The following EPHA3 variants were observed in gnomAD, a reference collection of about 807,000 sequenced individuals.
EPHA3 encodes the protein EPH receptor A3, also known as ephrin type-A receptor 3.
EPHA3 carries 42 observed loss-of-function variants against 107.1 expected under a neutral mutation model. The ratio of observed to expected loss-of-function variants is 0.39; its 90% CI spans 0.31 to 0.51. The LOEUF is 0.51. EPHA3 is among the 20% of genes least tolerant of loss of function. The probability of loss-of-function intolerance (pLI) is 0.78; values close to 1 mark genes in which losing one functional copy is unlikely to be tolerated. For synonymous variants in EPHA3, 461 were observed against 424.8 expected (o/e 1.09, Z -1.05); for missense variants, 1,183 against 1,211.2 (o/e 0.98, Z 0.35).
At chr3:89,399,981 C>T in intron 7 of EPHA3, 1 of 1,045,054 alleles carries the variant, frequency 9.6e-7, no homozygotes, top group African/African-American at 1.7e-5. Flanking sequence ...TTTGAATAGC[C>T]TGTTCCTTTA....
rs1445079945 is a variant in EPHA3, at chr3:89,155,442, A to C, written c.153+28169A>C. On this transcript the variant is annotated intron_variant, in intron 2 of 16. Coordinates refer to ENST00000336596, the MANE Select transcript of EPHA3 (RefSeq NM_005233.6). ...TTTCATTTAATCTTCCCAAAAGTCC[A>C]TTGACATTTCAAGCATAGTATTAAC... is the stretch of plus-strand genomic sequence containing the variant. Among the ~76,000 whole-genome samples, 24 of 152,044 alleles carry C rather than the reference A, an allele frequency of 1.6e-4. 1 individual carries two copies. Among genetic ancestry groups the C allele is most frequent in the Non-Finnish European group, 2.9e-5 (2 of 67,962 alleles).
At chr3:89,344,931 A>G (rs1419415525) in intron 5 of EPHA3, among the ~76,000 whole-genome samples, 1 of 151,538 alleles carries the variant, frequency 6.6e-6, no homozygotes, top group African/African-American at 2.4e-5. Context: ...AAAGTAGGCC[A>G]CCATATAAAG....
chr3:89,451,846 T>C (rs916189907), intron 15 of EPHA3, among the ~76,000 whole-genome samples: 1 of 151,968 alleles, frequency 6.6e-6, no homozygotes, highest in African/African-American at 2.4e-5. Flanking sequence ...CCTTGCATTT[T>C]GTCTTAAGTT....
chr3:89,480,886 G>A lies in EPHA3; in HGVS notation c.*1384G>A. On this transcript the variant is annotated 3_prime_UTR_variant, in exon 17 of 17. Transcript: ENST00000336596. ...GAATTTACTGGACATAACATTTTCA[G>A]AATAGTTGGTCATCTAGCAACCGCC... 1 of 232,190 alleles carries A rather than the reference G, an allele frequency of 4.3e-6. No individual in the cohort carries two copies. Among genetic ancestry groups the A allele is most frequent in the East Asian group, 6.1e-5 (1 of 16,340 alleles). The allele number at this position is 232,190 out of a possible 1,614,324, so 14.4% of individuals were successfully genotyped here.
In EPHA3 at chr3:89,427,212, A is replaced by G. The variant is rs115407356; in HGVS notation, c.2075-1894A>G. Among the ~76,000 whole-genome samples, 378 of 152,046 alleles carry G rather than the reference A, an allele frequency of 2.5e-3. 3 individuals are homozygous for G. Among genetic ancestry groups the G allele is most frequent in the African/African-American group, 8.6e-3 (356 of 41,550 alleles). On this transcript the variant is annotated intron_variant, in intron 11 of 16. Transcript: ENST00000336596. ...ATGTATAAAAGTTATCTCAAAAACTATAGAATTTAAATAGATTTTTCCTTA... is the reference window on the plus strand; with the variant it reads ...ATGTATAAAAGTTATCTCAAAAACTGTAGAATTTAAATAGATTTTTCCTTA...
intron 10 of EPHA3, 72 bp downstream of exon 10, chr3:89,413,338 G>A (rs1709190457): frequency 6.4e-7 from 1 of 1,556,416 alleles, no homozygotes; most frequent in South Asian, 1.1e-5. Flanking sequence ...TGAAACCTAA[G>A]TATATTGCTA....
At chr3:89,399,949 C>T (rs1708925063) in intron 7 of EPHA3, 2 of 1,049,988 alleles carry the variant, frequency 1.9e-6, no homozygotes, top group African/African-American at 3.3e-5. Flanking sequence ...TGTTTTATCA[C>T]TTCATTCACA....
At chr3:89,115,733 T>G (rs1409780675) in intron 1 of EPHA3, among the ~76,000 whole-genome samples, 1 of 152,198 alleles carries the variant, frequency 6.6e-6, no homozygotes, top group Non-Finnish European at 1.5e-5. Flanking sequence ...GGTAACATAA[T>G]GTTTCCCATT....
At chr3:89,479,276 A>C (rs1710579219) in intron 16 of EPHA3, 121 bp from the exon 17 acceptor site, 1 of 749,996 alleles carries the variant, frequency 1.3e-6, no homozygotes, top group Non-Finnish European at 2.3e-6. Context: ...GATGATGCAA[A>C]TATCAGACAA....
At chr3:89,324,538 A>G (rs1707122357) in intron 3 of EPHA3, among the ~76,000 whole-genome samples, 1 of 151,410 alleles carries the variant, frequency 6.6e-6, no homozygotes, top group South Asian at 2.1e-4. Context: ...TAGTTTATCC[A>G]GATTTATTTT....
chr3:89,132,300 C>T lies in EPHA3; in HGVS notation c.153+5027C>T, dbSNP rs143288818. 3.9e-5 allele frequency among the ~76,000 whole-genome samples: 6 copies of T among 152,268 alleles called. No individual in the cohort carries two copies. In the East Asian group the frequency reaches 1.2e-3, roughly 29 times the overall value. ...GAATGCCTCTTCTTTGTTATTTAAGCCACTCTTAGTGTTTTTCATGCTTTC... is the reference window on the plus strand; with the variant it reads ...GAATGCCTCTTCTTTGTTATTTAAGTCACTCTTAGTGTTTTTCATGCTTTC... On this transcript the variant is annotated intron_variant, in intron 2 of 16. Transcript: ENST00000336596.
intron 3 of EPHA3, among the ~76,000 whole-genome samples, chr3:89,331,000 A>G (rs1559649856): frequency 6.6e-6 from 1 of 152,156 alleles, no homozygotes; most frequent in Non-Finnish European, 1.5e-5. Context: ...AATGGAAGTA[A>G]GAACAAATAA....
intron 5 of EPHA3, among the ~76,000 whole-genome samples, chr3:89,379,349 T>A (rs1445721918): frequency 6.6e-6 from 1 of 152,210 alleles, no homozygotes; most frequent in East Asian, 1.9e-4. Flanking sequence ...TGTAAGTCTC[T>A]GCTGGTGTTC....
intron 3 of EPHA3, among the ~76,000 whole-genome samples, chr3:89,299,244 G>A (rs1433075846): frequency 6.6e-6 from 1 of 151,952 alleles, no homozygotes; most frequent in African/African-American, 2.4e-5. Flanking sequence ...AGACAGACTA[G>A]AAAGAAAACT....
intron 16 of EPHA3, among the ~76,000 whole-genome samples, chr3:89,473,577 G>A (rs1029379643): frequency 7.9e-5 from 12 of 152,108 alleles, no homozygotes; most frequent in Non-Finnish European, 1.6e-4. Flanking sequence ...ACATTTTCTG[G>A]ATTCCCATGC....
intron 2 of EPHA3, among the ~76,000 whole-genome samples, chr3:89,181,537 A>T (rs1170723804): frequency 6.6e-6 from 1 of 151,962 alleles, no homozygotes; most frequent in Non-Finnish European, 1.5e-5. Flanking sequence ...ATAAAAGACA[A>T]TGTAATGGAG....
intron 9 of EPHA3, among the ~76,000 whole-genome samples, chr3:89,408,955 T>C (rs763933698): frequency 1.3e-5 from 2 of 152,124 alleles, no homozygotes; most frequent in Non-Finnish European, 2.9e-5. Context: ...TATTTGCAAA[T>C]TGACATGATA....
intron 13 of EPHA3, among the ~76,000 whole-genome samples, chr3:89,445,269 T>C (rs1023284186): frequency 6.6e-6 from 1 of 152,044 alleles, no homozygotes; most frequent in African/African-American, 2.4e-5. Flanking sequence ...ACTTCAACAC[T>C]AAAATTGGGC....
chr3:89,287,312 C>G (rs537402899), intron 3 of EPHA3, among the ~76,000 whole-genome samples: 7 of 152,038 alleles, frequency 4.6e-5, no homozygotes, highest in Non-Finnish European at 8.8e-5. Context: ...TACTAAATAC[C>G]TTGCCAAAGT....
Sources: gnomAD v4.1 joint callset for allele counts (sites outside exome capture counted in the v4.1 genomes callset) on GRCh38, gnomAD v4.1.1 for gene constraint, MANE v1.5 for transcripts, NCBI Gene and HGNC (gene_info 2026-07-23, HGNC 2026-07-21) for gene names.